Variants in PSMA5 observed in about 807,000 individuals in gnomAD.
PSMA5 encodes the protein proteasome 20S subunit alpha 5, also known as proteasome subunit alpha type-5.
PSMA5 carries 3 observed loss-of-function variants against 34.5 expected under a neutral mutation model. The ratio of observed to expected loss-of-function variants is 0.09; its 90% CI spans 0.04 to 0.22. The LOEUF (loss-of-function observed/expected upper bound fraction) is 0.22, where lower values mean the gene tolerates loss of function less well. PSMA5 is among the 10% of genes least tolerant of loss of function. PSMA5 has a pLI of 1.00. For synonymous variants in PSMA5, 88 were observed against 95.8 expected, an observed-to-expected ratio of 0.92 and a Z score of 0.47; for missense variants, 120 against 286.1, an observed-to-expected ratio of 0.42 and a Z score of 4.19.
At chr1:109,414,054 T>C (rs1355616675) in intron 3 of PSMA5, among the ~76,000 whole-genome samples, 2 of 152,248 alleles carry the variant, frequency 1.3e-5, no homozygotes, top group Non-Finnish European at 2.9e-5. Flanking sequence ...AGGATTACAT[T>C]GAAGCCCTTC....
chr1:109,420,691 C>T (rs548863203), intron 2 of PSMA5, among the ~76,000 whole-genome samples: 1 of 152,202 alleles, frequency 6.6e-6, no homozygotes, highest in African/African-American at 2.4e-5. Flanking sequence ...CAGAGTAGGA[C>T]AGAATTCATA....
intron 8 of PSMA5, among the ~76,000 whole-genome samples, chr1:109,407,865 G>A (rs892439993): frequency 2.6e-5 from 4 of 151,938 alleles, no homozygotes; most frequent in African/African-American, 7.3e-5. Context: ...GGCTAGTCTC[G>A]AACTTCTGGC....
chr1:109,420,814 G>C (rs575418113), intron 2 of PSMA5, among the ~76,000 whole-genome samples: 135 of 152,106 alleles, frequency 8.9e-4, no homozygotes, highest in African/African-American at 3.1e-3. Context: ...AGTGCTACTG[G>C]CACCTAATGG....
Position 109,401,842 on chromosome 1 carries a change from T to C in PSMA5, c.*171A>G, listed in dbSNP as rs1224203187. The C allele has an allele frequency of 6.2e-6, 3 of 485,270 alleles. No homozygotes were observed. The highest frequency in any genetic ancestry group is 3.3e-5 in the South Asian group (1 of 30,672). The allele number at this position is 485,270 out of a possible 1,614,324, so 30.1% of individuals were successfully genotyped here. A position where few individuals can be genotyped will look rare whatever the true frequency, so the allele number is the denominator to read the frequency against. ...AAGACTATTAGAAGAGAACAGTCTA[T>C]TAACAAATATTTTAAAATTTTCTTT... is the stretch of plus-strand genomic sequence containing the variant. On this transcript the variant is annotated 3_prime_UTR_variant, in exon 9 of 9. Coordinates refer to ENST00000271308, the MANE Select transcript of PSMA5 (RefSeq NM_002790.4).
Position 109,426,408 on chromosome 1 carries a change from C to A in PSMA5, c.-78G>T. 1.3e-6 allele frequency: 2 copies of A among 1,569,816 alleles called. No homozygotes were observed. Among genetic ancestry groups the A allele is most frequent in the Non-Finnish European group, 1.8e-6 (2 of 1,139,912 alleles). Reference sequence around the variant, plus strand: ...ACTCCACCGGCACCCAACTCACCGGCAGCCAACTCACCCACACGGCCGCAG... The same window carrying A: ...ACTCCACCGGCACCCAACTCACCGGAAGCCAACTCACCCACACGGCCGCAG... On this transcript the variant is annotated 5_prime_UTR_variant, in exon 1 of 9. Coordinates refer to ENST00000271308, the MANE Select transcript of PSMA5 (RefSeq NM_002790.4).
At chr1:109,411,523 C>T (rs1170381456) in intron 6 of PSMA5, among the ~76,000 whole-genome samples, 1 of 151,876 alleles carries the variant, frequency 6.6e-6, no homozygotes, top group East Asian at 1.9e-4. Context: ...TTTGTGCAAA[C>T]GGTATAGAAT....
chr1:109,405,979 G>C (rs1653741349), intron 8 of PSMA5, among the ~76,000 whole-genome samples: 1 of 152,188 alleles, frequency 6.6e-6, no homozygotes, highest in Non-Finnish European at 1.5e-5. Flanking sequence ...AAATGACTGA[G>C]TAAAAGGGAA....
At chr1:109,409,796 C>T (rs952108056) in intron 8 of PSMA5, 132 bp downstream of exon 8, 5 of 626,732 alleles carry the variant, frequency 8.0e-6, no homozygotes, top group Non-Finnish European at 1.4e-5. Flanking sequence ...CACCTGTAGT[C>T]CCAGCTACTC....
chr1:109,407,422 C>A (rs1047021217), intron 8 of PSMA5, among the ~76,000 whole-genome samples: 1 of 152,232 alleles, frequency 6.6e-6, no homozygotes, highest in East Asian at 1.9e-4. Context: ...CTTAGACTGA[C>A]CTTTCACAGC....
In PSMA5 at chr1:109,415,275, C is replaced by G. The variant is rs139449268; in HGVS notation, c.185G>C (p.Ser62Thr). 1.9e-6 allele frequency: 3 copies of G among 1,613,928 alleles called. No individual in the cohort carries two copies. The African/African-American group carries it at 4.0e-5, about 22-fold the overall frequency. Residue 62 changes from serine to threonine, a missense_variant, in exon 3 of 9, where the codon AGC (serine) becomes ACC (threonine). Ser to Thr is a moderately conservative substitution (Grantham distance 58). This residue lies in a region of PSMA5 where 20 missense variants were observed against 19.4 expected (regional missense o/e 1.03). Coordinates refer to ENST00000271308, the MANE Select transcript of PSMA5 (RefSeq NM_002790.4). ...AATCTCTACAATTTTCTCAATGCTGCTGGGCTCCATCAGTGGGGAAGTAAT... is the reference window on the plus strand; with the variant it reads ...AATCTCTACAATTTTCTCAATGCTGGTGGGCTCCATCAGTGGGGAAGTAAT... Reference protein sequence around the residue: ...KRITSPLMEPSSIEKIVEIDA... With the variant: ...KRITSPLMEPTSIEKIVEIDA...
Position 109,424,412 on chromosome 1 carries a change from C to A in PSMA5, c.29+1890G>T, listed in dbSNP as rs1375872936. ...CAGGCTGGTCTCCAACTCCTGAGCT[C>A]AGGCAATCCTGCCTCGGCCTTCCAA... On this transcript the variant is annotated intron_variant, in intron 1 of 8. Transcript: ENST00000271308. Among the ~76,000 whole-genome samples, 5 of 152,294 alleles carry A rather than the reference C, an allele frequency of 3.3e-5. No individual in the cohort carries two copies. In the East Asian group the frequency reaches 7.7e-4, roughly 24 times the overall value.
Position 109,402,926 on chromosome 1 carries a change from A to G in PSMA5, c.649-836T>C, listed in dbSNP as rs184930309. Among the ~76,000 whole-genome samples the G allele has an allele frequency of 9.9e-5, 15 of 152,238 alleles. No individual in the cohort carries two copies. In the East Asian group the frequency reaches 2.7e-3, roughly 27 times the overall value. Reference sequence around the variant, plus strand: ...CTCCATGTTGGTCAGGCTGGTCTCGAACTCCCAACCTCAGGTGATCTGCCC... The same window carrying G: ...CTCCATGTTGGTCAGGCTGGTCTCGGACTCCCAACCTCAGGTGATCTGCCC... On this transcript the variant is annotated intron_variant, in intron 8 of 8. Coordinates refer to ENST00000271308, the MANE Select transcript of PSMA5 (RefSeq NM_002790.4).
chr1:109,422,529 C>T (rs541711193), intron 1 of PSMA5, among the ~76,000 whole-genome samples: 51 of 147,146 alleles, frequency 3.5e-4, no homozygotes, highest in African/African-American at 1.2e-3. Flanking sequence ...GTCGCTCAGG[C>T]GGGTGCGATC....
At chr1:109,421,018 CAA>C (rs60663577) in intron 2 of PSMA5, among the ~76,000 whole-genome samples, 26 of 87,668 alleles carry the variant, frequency 3.0e-4, no homozygotes, top group Non-Finnish European at 2.9e-4. Flanking sequence ...ACATCTCTAC[CAA>C]AAAAAAAAAA....
intron 3 of PSMA5, among the ~76,000 whole-genome samples, chr1:109,414,222 T>C (rs1183539735): frequency 6.6e-6 from 1 of 152,240 alleles, no homozygotes; most frequent in African/African-American, 2.4e-5. Context: ...TCCCTTGCTA[T>C]ACCCAGACAC....
At chr1:109,424,179 C>T (rs1654556446) in intron 1 of PSMA5, among the ~76,000 whole-genome samples, 1 of 152,178 alleles carries the variant, frequency 6.6e-6, no homozygotes, top group Non-Finnish European at 1.5e-5. Context: ...GTGAAGTTTT[C>T]CATGATCGTC....
At chr1:109,409,395 G>C (rs1178476332) in intron 8 of PSMA5, among the ~76,000 whole-genome samples, 1 of 152,192 alleles carries the variant, frequency 6.6e-6, no homozygotes. Context: ...GGCTTCAAGT[G>C]ATCTGCCTGC....
At chr1:109,413,521 G>T (rs1201535933) in intron 3 of PSMA5, among the ~76,000 whole-genome samples, 1 of 152,150 alleles carries the variant, frequency 6.6e-6, no homozygotes, top group African/African-American at 2.4e-5. Context: ...ACCTCACTAT[G>T]GACTACAGTG....
chr1:109,416,005 C>T (rs980570712), intron 2 of PSMA5, among the ~76,000 whole-genome samples: 1 of 152,138 alleles, frequency 6.6e-6, no homozygotes, highest in South Asian at 2.1e-4. Flanking sequence ...TCTATCTCTA[C>T]GTAACTCCCA....
Sources: allele counts gnomAD v4.1 joint callset (sites outside exome capture counted in the v4.1 genomes callset), GRCh38; gene constraint gnomAD v4.1.1; regional missense constraint gnomAD v4.1.1; transcripts MANE v1.5; gene names NCBI Gene and HGNC (gene_info 2026-07-23, HGNC 2026-07-21).